Variants in CPNE4 observed in about 807,000 individuals in gnomAD.
CPNE4 encodes copine 4.
CPNE4 carries 25 observed loss-of-function variants against 67.9 expected under a neutral mutation model. The ratio of observed to expected loss-of-function variants is 0.37; its 90% CI spans 0.27 to 0.51. The LOEUF is 0.51. CPNE4 is among the 20% of genes least tolerant of loss of function. CPNE4 has a pLI of 0.93. For synonymous variants in CPNE4, 242 were observed against 244.9 expected (o/e 0.99, Z 0.11); for missense variants, 464 against 690.8 (o/e 0.67, Z 3.68).
In CPNE4 at chr3:131,958,609, C is replaced by CTTTTTTTTTTTTTTTTTT. The variant is rs748126986; in HGVS notation, c.-1-53183_-1-53166dup. ...CAATTGATACACCTTTCTTTCTTTT[C>CTTTTTTTTTTTTTTTTTT]TTTTTTTTTTTTTTTTTTTTTTTTT... On this transcript the variant is annotated intron_variant, in intron 1 of 15. Transcript: ENST00000429747. Among the ~76,000 whole-genome samples, 109 of 95,970 alleles carry CTTTTTTTTTTTTTTTTTT rather than the reference C, an allele frequency of 1.1e-3. 9 individuals are homozygous for CTTTTTTTTTTTTTTTTTT. Among genetic ancestry groups the CTTTTTTTTTTTTTTTTTT allele is most frequent in the African/African-American group, 1.7e-3 (34 of 20,036 alleles). 63.0% of individuals were successfully genotyped at this position (95,970 alleles called of 152,430 possible).
chr3:131,753,006 A>G (rs1560241629), intron 2 of CPNE4, among the ~76,000 whole-genome samples: 1 of 151,388 alleles, frequency 6.6e-6, no homozygotes, highest in East Asian at 1.9e-4. Context: ...AAAATAATAA[A>G]ATATAAAATA....
chr3:131,620,492 C>T lies in CPNE4; in HGVS notation c.682-32910G>A, dbSNP rs138496831. 1.4e-4 allele frequency: 139 copies of T among 983,982 alleles called. No individual in the cohort carries two copies. In the East Asian group the frequency reaches 2.3e-3, roughly 16 times the overall value. The allele number at this position is 983,982 out of a possible 1,614,324, so 61.0% of individuals were successfully genotyped here. On this transcript the variant is annotated intron_variant, in intron 7 of 15. Coordinates refer to ENST00000429747, the MANE Select transcript of CPNE4 (RefSeq NM_130808.3). ...TGCTTTTTGTCCTTCAGTGAAGACA[C>T]GGCTGATGGTAGGCAGAATAATGGT...
intron 1 of CPNE4, among the ~76,000 whole-genome samples, chr3:131,928,606 C>T (rs946814618): frequency 7.9e-5 from 12 of 152,174 alleles, no homozygotes; most frequent in African/African-American, 2.7e-4. Context: ...AGACCTGACG[C>T]TGTATTCAAG....
chr3:131,571,949 T>TTG (rs1559918410), intron 10 of CPNE4, among the ~76,000 whole-genome samples: 1 of 152,068 alleles, frequency 6.6e-6, no homozygotes, highest in South Asian at 2.1e-4. Flanking sequence ...ACATAAATAC[T>TTG]TAAGTTTATG....
chr3:131,718,994 A>G (rs2081812732), intron 3 of CPNE4, among the ~76,000 whole-genome samples: 1 of 152,222 alleles, frequency 6.6e-6, no homozygotes, highest in Admixed American at 6.5e-5. Context: ...CCTACCCAAA[A>G]GTGTGGGAAA....
chr3:131,632,354 A>G (rs192634014), intron 7 of CPNE4, among the ~76,000 whole-genome samples: 82 of 152,092 alleles, frequency 5.4e-4, no homozygotes, highest in African/African-American at 2.0e-3. Context: ...GTAGATTATT[A>G]CCTTCAGCTT....
chr3:131,950,234 T>C (rs763149479), intron 1 of CPNE4, among the ~76,000 whole-genome samples: 17 of 152,334 alleles, frequency 1.1e-4, no homozygotes, highest in African/African-American at 4.1e-4. Flanking sequence ...ATATATATTG[T>C]TGATGCATTA....
intron 2 of CPNE4, among the ~76,000 whole-genome samples, chr3:131,850,154 T>A (rs571278585): frequency 3.9e-5 from 6 of 152,276 alleles, no homozygotes; most frequent in African/African-American, 1.4e-4. Flanking sequence ...TTTTAAATTT[T>A]TTTTGCCAAT....
chr3:131,819,442 A>G (rs1211177920), intron 2 of CPNE4, among the ~76,000 whole-genome samples: 3 of 151,834 alleles, frequency 2.0e-5, no homozygotes, highest in Non-Finnish European at 4.4e-5. Context: ...CTTCCCCAGT[A>G]TGCATTTTAC....
At chr3:131,895,175 A>G (rs1180800553) in intron 2 of CPNE4, among the ~76,000 whole-genome samples, 1 of 152,022 alleles carries the variant, frequency 6.6e-6, no homozygotes, top group Non-Finnish European at 1.5e-5. Context: ...GTATCATAGA[A>G]GCAGAGAGTA....
At chr3:131,825,572 A>C (rs1461769638) in intron 2 of CPNE4, among the ~76,000 whole-genome samples, 4 of 152,188 alleles carry the variant, frequency 2.6e-5, no homozygotes, top group African/African-American at 9.6e-5. Flanking sequence ...TTAAAGATAC[A>C]AACTATTCCA....
chr3:131,997,680 T>C (rs896400410), intron 1 of CPNE4, among the ~76,000 whole-genome samples: 4 of 152,116 alleles, frequency 2.6e-5, no homozygotes, highest in African/African-American at 9.7e-5. Context: ...TTAGGTGCAA[T>C]ATGGAGAACA....
chr3:131,669,091 G>A (rs2080334381), intron 7 of CPNE4, among the ~76,000 whole-genome samples: 1 of 152,142 alleles, frequency 6.6e-6, no homozygotes, highest in African/African-American at 2.4e-5. Context: ...CACTGTGTGT[G>A]TTAGTCCAAG....
At chr3:131,923,704 CAAAA>C (rs3041574) in intron 1 of CPNE4, among the ~76,000 whole-genome samples, 12 of 39,288 alleles carry the variant, frequency 3.1e-4, no homozygotes, top group East Asian at 2.2e-3. Context: ...GACTCCGTCT[CAAAA>C]AAAAAAAAAA....
chr3:131,881,824 C>T (rs1001671059), intron 2 of CPNE4, among the ~76,000 whole-genome samples: 4 of 152,202 alleles, frequency 2.6e-5, no homozygotes, highest in Non-Finnish European at 4.4e-5. Context: ...AACAGCCTTC[C>T]GCAGTTGTGG....
At chr3:131,885,814 G>A (rs2087862165) in intron 2 of CPNE4, among the ~76,000 whole-genome samples, 2 of 152,080 alleles carry the variant, frequency 1.3e-5, no homozygotes, top group South Asian at 2.1e-4. Context: ...TCTTGCGATA[G>A]TTTACTGAGA....
chr3:131,687,306 T>C (rs539679810), intron 5 of CPNE4, among the ~76,000 whole-genome samples: 1 of 152,368 alleles, frequency 6.6e-6, no homozygotes, highest in South Asian at 2.1e-4. Context: ...GGAGAAACTT[T>C]ATTTTCCTTT....
chr3:131,804,333 G>A (rs775770719), intron 2 of CPNE4, among the ~76,000 whole-genome samples: 1 of 151,218 alleles, frequency 6.6e-6, no homozygotes, highest in Admixed American at 6.6e-5. Context: ...TCAAGCAGCT[G>A]GCAAGTATTA....
At chr3:131,616,251 T>C (rs1222126060) in intron 7 of CPNE4, among the ~76,000 whole-genome samples, 2 of 149,946 alleles carry the variant, frequency 1.3e-5, no homozygotes, top group Admixed American at 1.3e-4. Context: ...GTGAAAACAA[T>C]GTGATAGCTG....
Sources: gnomAD v4.1 joint callset for allele counts (sites outside exome capture counted in the v4.1 genomes callset) on GRCh38, gnomAD v4.1.1 for gene constraint, MANE v1.5 for transcripts, NCBI Gene and HGNC (gene_info 2026-07-23, HGNC 2026-07-21) for gene names.